Variants in ACTR6 observed in about 807,000 individuals in gnomAD.
ACTR6 encodes the protein actin-related protein 6.
A neutral mutation model predicts 52.5 loss-of-function variants in ACTR6; 50 were observed. The observed-to-expected ratio is 0.95, with a 90% CI of 0.76 to 1.20. ACTR6 has a LOEUF of 1.20. Ranked by LOEUF, ACTR6 falls within the 50% of genes most tolerant of loss-of-function variation. The pLI is 0.00. For missense variants in ACTR6, 344 were observed against 472.4 expected (o/e 0.73, Z 2.52); for synonymous variants, 135 against 147.2 (o/e 0.92, Z 0.60).
intron 8 of ACTR6, among the ~76,000 whole-genome samples, chr12:100,214,651 C>T (rs1279549941): frequency 2.0e-5 from 3 of 151,900 alleles, no homozygotes; most frequent in Non-Finnish European, 4.4e-5. Flanking sequence ...GGGAGGATTG[C>T]TTGTGCCCAT....
intron 10 of ACTR6, among the ~76,000 whole-genome samples, chr12:100,222,802 A>G (rs71464209): frequency 6.6e-6 from 1 of 152,246 alleles, no homozygotes; most frequent in Non-Finnish European, 1.5e-5. Flanking sequence ...AACACATAGT[A>G]TAACCTTGGT....
chr12:100,223,787 C>T lies in ACTR6; in HGVS notation c.1063C>T (p.Pro355Ser). The T allele has an allele frequency of 6.2e-7, 1 of 1,604,314 alleles. No homozygotes were observed. Among genetic ancestry groups the T allele is most frequent in the Non-Finnish European group, 8.5e-7 (1 of 1,177,166 alleles). The change falls in exon 11 of 11, where the codon CCT becomes TCT. Residue 355 changes from proline (P) to serine (S), a missense_variant and splice_region_variant. Transcript: ENST00000188312. Reference protein sequence around the residue: ...YDVSVVLPENPITYAWEGGKL... With the variant: ...YDVSVVLPENSITYAWEGGKL... ...GTTCATTTATACCTTTATTTTCAGC[C>T]CTATTACTTATGCCTGGGAAGGTGG...
chr12:100,223,283 G>A (rs2096129733), intron 10 of ACTR6, among the ~76,000 whole-genome samples: 1 of 152,146 alleles, frequency 6.6e-6, no homozygotes, highest in Non-Finnish European at 1.5e-5. Flanking sequence ...AGAGGTTGCA[G>A]TGAGCTGAGA....
chr12:100,222,257 GT>G (rs35143045), intron 10 of ACTR6, among the ~76,000 whole-genome samples: 104 of 123,436 alleles, frequency 8.4e-4, no homozygotes, highest in East Asian at 1.3e-3. Context: ...CTGGCTTTGG[GT>G]TTTTTTTTTT....
At chr12:100,215,737 C>T (rs2096123453) in intron 8 of ACTR6, among the ~76,000 whole-genome samples, 1 of 152,018 alleles carries the variant, frequency 6.6e-6, no homozygotes, top group Non-Finnish European at 1.5e-5. Flanking sequence ...GTTAAATCAT[C>T]TTAATAATTT....
At chr12:100,213,792 A>G (rs1201527254) in intron 8 of ACTR6, among the ~76,000 whole-genome samples, 3 of 152,318 alleles carry the variant, frequency 2.0e-5, no homozygotes, top group Middle Eastern at 3.4e-3. Flanking sequence ...AGATAAAATT[A>G]CTTCTGTGGT....
rs574587936 is a variant in ACTR6, at chr12:100,208,040, A to C, written c.379+254A>C. 67 of 306,482 alleles carry C rather than the reference A, an allele frequency of 2.2e-4. 1 individual carries two copies. Among genetic ancestry groups the C allele is most frequent in the South Asian group, 2.1e-3 (67 of 31,994 alleles). The allele number at this position is 306,482 out of a possible 1,614,324, so 19.0% of individuals were successfully genotyped here. ...GTTGGGCATGGTGACACGCACCTGT[A>C]GTCCCAGCTACTTAGGAAGCTGAGG... On this transcript the variant is annotated intron_variant, in intron 4 of 10. Transcript: ENST00000188312.
At chr12:100,205,766 T>G in intron 3 of ACTR6, 22 bp downstream of exon 3, 1 of 1,313,426 alleles carries the variant, frequency 7.6e-7, no homozygotes, top group Non-Finnish European at 1.0e-6. Flanking sequence ...GAGTATGTAT[T>G]AAAATTCTAT....
At chr12:100,217,540 A>G (rs1331664932) in intron 8 of ACTR6, among the ~76,000 whole-genome samples, 1 of 152,192 alleles carries the variant, frequency 6.6e-6, no homozygotes, top group Admixed American at 6.5e-5. Context: ...AATATTGTGG[A>G]AGGAGATTAT....
chr12:100,218,717 T>A lies in ACTR6; in HGVS notation c.922+131T>A. 1 of 496,832 alleles carries A rather than the reference T, an allele frequency of 2.0e-6. No individual in the cohort carries two copies. Among genetic ancestry groups the A allele is most frequent in the East Asian group, 3.5e-5 (1 of 28,258 alleles). 30.8% of individuals were successfully genotyped at this position (496,832 alleles called of 1,614,324 possible). On this transcript the variant is annotated intron_variant, in intron 9 of 10. Coordinates refer to ENST00000188312, the MANE Select transcript of ACTR6 (RefSeq NM_022496.5). The surrounding 1 kb of genome is among the most constrained non-coding windows in gnomAD (Gnocchi z 4.2). Reference sequence around the variant, plus strand: ...TGTTTTATTTGCAGAGATTTGTAGATCCCATAATGCATTTATATAATTCTT... The same window carrying A: ...TGTTTTATTTGCAGAGATTTGTAGAACCCATAATGCATTTATATAATTCTT...
intron 2 of ACTR6, chr12:100,205,372 T>A: frequency 3.5e-6 from 1 of 282,104 alleles, no homozygotes; most frequent in East Asian, 7.0e-5. Flanking sequence ...TGTGAGTTTG[T>A]TTTTTAACTT....
In ACTR6 at chr12:100,200,909, G is replaced by C; in HGVS notation, c.58G>C (p.Glu20Gln). 1 of 1,614,166 alleles carries C rather than the reference G, an allele frequency of 6.2e-7. No individual in the cohort carries two copies. Among genetic ancestry groups the C allele is most frequent in the East Asian group, 2.2e-5 (1 of 44,880 alleles). The change falls in exon 1 of 11, where the codon GAA becomes CAA. Residue 20 changes from glutamate (E) to glutamine (Q), a missense_variant. By Grantham distance (29) the Glu-to-Gln change is conservative (BLOSUM62 2). Transcript: ENST00000188312. ...AYNAKIGYSH[E>Q]NVSVIPNCQF... ...CAACGCCAAAATCGGTTACAGCCAT[G>C]AAAATGTGTCGTAAGTACTTTCTTT...
At chr12:100,207,287 C>T (rs1476449154) in intron 3 of ACTR6, among the ~76,000 whole-genome samples, 1 of 151,930 alleles carries the variant, frequency 6.6e-6, no homozygotes, top group Non-Finnish European at 1.5e-5. Context: ...CCAGGCTGGT[C>T]TCATATTCCT....
intron 2 of ACTR6, 83 bp downstream of exon 2, chr12:100,205,140 G>T: frequency 1.5e-4 from 109 of 738,048 alleles, no homozygotes; most frequent in Middle Eastern, 3.6e-4. Flanking sequence ...AAGGCTGTGT[G>T]TAACTTAAAT....
intron 1 of ACTR6, among the ~76,000 whole-genome samples, chr12:100,202,900 G>C (rs2096111084): frequency 6.6e-6 from 1 of 151,910 alleles, no homozygotes; most frequent in South Asian, 2.1e-4. Flanking sequence ...CCCTGTAGCA[G>C]CAGCAGTCTC....
chr12:100,223,724 T>C, intron 10 of ACTR6, 62 bp from the exon 11 acceptor site: 1 of 1,551,598 alleles, frequency 6.4e-7, no homozygotes. Flanking sequence ...TAGTAATTTA[T>C]GTTTCAGGCA....
At chr12:100,211,984 T>C (rs1283978428) in intron 6 of ACTR6, among the ~76,000 whole-genome samples, 2 of 152,216 alleles carry the variant, frequency 1.3e-5, no homozygotes, top group African/African-American at 4.8e-5. Context: ...TGCGGGGGAA[T>C]GTTTGATCTT....
chr12:100,210,108 A>G lies in ACTR6; in HGVS notation c.415A>G (p.Asn139Asp). The change falls in exon 5 of 11, where the codon AAT becomes GAT. Residue 139 changes from asparagine to aspartate, a missense_variant. By Grantham distance (23) the Asn-to-Asp change is conservative. Coordinates refer to ENST00000188312, the MANE Select transcript of ACTR6 (RefSeq NM_022496.5). ...CAGTGCACATAGGTATTTCCGAGAT[A>G]ATCCTTCCGAATTATGCTGTATCAT... ...ALSAHRYFRD[N>D]PSELCCIIVD... 1 of 1,609,644 alleles carries G rather than the reference A, an allele frequency of 6.2e-7. No individual in the cohort carries two copies. The highest frequency in any genetic ancestry group is 8.5e-7 in the Non-Finnish European group (1 of 1,179,020).
intron 1 of ACTR6, chr12:100,201,126 G>A: frequency 7.6e-7 from 1 of 1,309,894 alleles, no homozygotes; most frequent in Non-Finnish European, 1.0e-6. Flanking sequence ...CGAGGCCCCG[G>A]AAGTGGGATA....
Sources: gnomAD v4.1 joint callset for allele counts (sites outside exome capture counted in the v4.1 genomes callset) on GRCh38, gnomAD v4.1.1 for gene constraint, Gnocchi (gnomAD v3.1) non-coding constraint, MANE v1.5 for transcripts, NCBI Gene and HGNC (gene_info 2026-07-23, HGNC 2026-07-21) for gene names.